Variants in SPRED1 observed in about 807,000 individuals in gnomAD.
SPRED1 encodes the protein sprouty-related, EVH1 domain-containing protein 1.
Under a neutral mutation model 52.3 loss-of-function variants are expected in SPRED1, and 18 were observed. The ratio of observed to expected loss-of-function variants is 0.34; its 90% CI spans 0.24 to 0.51. The LOEUF is 0.51. SPRED1 is among the 20% of genes least tolerant of loss of function. The pLI is 0.97. For synonymous variants in SPRED1, 155 were observed against 179.7 expected (o/e 0.86, Z 1.10); for missense variants, 485 against 551.0 (o/e 0.88, Z 1.20).
In SPRED1 at chr15:38,356,604, TTAA is replaced by T; in HGVS notation, c.*4944_*4946del. 6.6e-6 allele frequency: 1 copy of T among 152,238 alleles called. No individual in the cohort carries two copies. Among genetic ancestry groups the T allele is most frequent in the African/African-American group, 2.4e-5 (1 of 41,570 alleles). 9.4% of individuals were successfully genotyped at this position (152,238 alleles called of 1,614,324 possible). ...ACTGAAAGTTCACATATAGTTCATC[TTAA>T]TAACATATTTATTCATCCTTAATTG... On this transcript the variant is annotated 3_prime_UTR_variant, in exon 7 of 7. Coordinates refer to ENST00000299084, the MANE Select transcript of SPRED1 (RefSeq NM_152594.3).
chr15:38,274,593 T>A (rs1566851222), intron 1 of SPRED1, among the ~76,000 whole-genome samples: 1 of 152,198 alleles, frequency 6.6e-6, no homozygotes, highest in Non-Finnish European at 1.5e-5. Flanking sequence ...GAAACTAGGA[T>A]CTATACAATA....
At chr15:38,344,305 A>G (rs1289273559) in intron 5 of SPRED1, among the ~76,000 whole-genome samples, 1 of 152,192 alleles carries the variant, frequency 6.6e-6, no homozygotes, top group Non-Finnish European at 1.5e-5. Flanking sequence ...CAGGGATGTT[A>G]TGATATACCA....
In SPRED1 at chr15:38,353,001, A is replaced by C. The variant is rs570038934; in HGVS notation, c.*1337A>C. 3 of 152,468 alleles carry C rather than the reference A, an allele frequency of 2.0e-5. No individual in the cohort carries two copies. The South Asian group carries it at 6.2e-4, about 32-fold the overall frequency. 9.4% of individuals were successfully genotyped at this position (152,468 alleles called of 1,614,324 possible). A position where few individuals can be genotyped will look rare whatever the true frequency, so the allele number is the denominator to read the frequency against. ...TTGGGTAAATGTTCCAACAAACTTT[A>C]AAGTACCTTGAAGTCAAATTGTCTG... is the stretch of plus-strand genomic sequence containing the variant. On this transcript the variant is annotated 3_prime_UTR_variant, in exon 7 of 7. Transcript: ENST00000299084.
At chr15:38,313,185 TAC>T (rs1323387326) in intron 2 of SPRED1, among the ~76,000 whole-genome samples, 1 of 152,072 alleles carries the variant, frequency 6.6e-6, no homozygotes. Flanking sequence ...TTAACATAAA[TAC>T]AGTCTTTAAT....
Position 38,344,718 on chromosome 15 carries a change from A to G in SPRED1, c.583-4704A>G, listed in dbSNP as rs143837118. On this transcript the variant is annotated intron_variant, in intron 5 of 6. Coordinates refer to ENST00000299084, the MANE Select transcript of SPRED1 (RefSeq NM_152594.3). ...TCGGTATCTACCTCCTAGAGTTGTT[A>G]TGAATATTAAATAATTAATGTTGTA... Among the ~76,000 whole-genome samples the G allele has an allele frequency of 2.0e-5, 3 of 152,296 alleles. No homozygotes were observed. In the East Asian group the frequency reaches 5.8e-4, roughly 29 times the overall value.
At chr15:38,284,562 T>C (rs970747442) in intron 1 of SPRED1, among the ~76,000 whole-genome samples, 8 of 152,354 alleles carry the variant, frequency 5.3e-5, no homozygotes, top group Non-Finnish European at 1.0e-4. Flanking sequence ...AGCAGTCTTC[T>C]GTTATAATTT....
intron 1 of SPRED1, among the ~76,000 whole-genome samples, chr15:38,293,132 G>C (rs8031438): frequency 0.86 from 112,723 of 130,482 alleles, 48,717 homozygotes; most frequent in Non-Finnish European, 0.9. Flanking sequence ...ACGGAGTCTC[G>C]CTCTCTCACC....
chr15:38,284,524 G>C (rs1204230126), intron 1 of SPRED1, among the ~76,000 whole-genome samples: 1 of 151,936 alleles, frequency 6.6e-6, no homozygotes, highest in Non-Finnish European at 1.5e-5. Context: ...GCAATACAGA[G>C]ATTTTACATT....
chr15:38,351,084 A>T lies in SPRED1; in HGVS notation c.755A>T (p.Asp252Val), dbSNP rs1261287171. ...GAGATTGTCAGAATAAACCCTCGAG[A>T]TATCTTAATACGTCGCTATGCAGAC... ...EDEIVRINPRDILIRRYADYR... is the reference protein window; with the variant it reads ...EDEIVRINPRVILIRRYADYR... The change falls in exon 7 of 7, where the codon GAT becomes GTT. Residue 252 changes from aspartate to valine, a missense_variant. Asp to Val is a radical substitution (Grantham distance 152, BLOSUM62 -3). This residue lies in a region of SPRED1 where 205 missense variants were observed against 245.2 expected (regional missense o/e 0.84). Coordinates refer to ENST00000299084, the MANE Select transcript of SPRED1 (RefSeq NM_152594.3). 1 of 1,613,976 alleles carries T rather than the reference A, an allele frequency of 6.2e-7. No individual in the cohort carries two copies.
chr15:38,347,126 C>T (rs1896154472), intron 5 of SPRED1, among the ~76,000 whole-genome samples: 1 of 152,074 alleles, frequency 6.6e-6, no homozygotes, highest in Admixed American at 6.6e-5. Flanking sequence ...AGACTCTTCC[C>T]TATCCTCATC....
Position 38,298,210 on chromosome 15 carries a change from A to C in SPRED1, c.33-1163A>C, listed in dbSNP as rs570924015. On this transcript the variant is annotated intron_variant, in intron 1 of 6. Coordinates refer to ENST00000299084, the MANE Select transcript of SPRED1 (RefSeq NM_152594.3). ...AGTAAAGTTAAGACTGAAAACACCAAGTATTGGCAAGGATGTGGTGCATCT... is the reference window on the plus strand; with the variant it reads ...AGTAAAGTTAAGACTGAAAACACCACGTATTGGCAAGGATGTGGTGCATCT... Among the ~76,000 whole-genome samples the C allele has an allele frequency of 1.3e-4, 20 of 152,322 alleles. 1 individual carries two copies. In the South Asian group the frequency reaches 4.1e-3, roughly 32 times the overall value.
At chr15:38,300,393 T>A (rs1895128788) in intron 2 of SPRED1, among the ~76,000 whole-genome samples, 1 of 152,198 alleles carries the variant, frequency 6.6e-6, no homozygotes, top group Non-Finnish European at 1.5e-5. Context: ...GAGAATTCCC[T>A]TTAAATATAT....
At chr15:38,336,380 A>ATATGTGTGTG (rs1555391795) in intron 4 of SPRED1, among the ~76,000 whole-genome samples, 1 of 134,316 alleles carries the variant, frequency 7.4e-6, no homozygotes, top group Non-Finnish European at 1.6e-5. Context: ...GATAAAGAAA[A>ATATGTGTGTG]TGTGTGTGTG....
At chr15:38,288,250 C>T (rs992650078) in intron 1 of SPRED1, among the ~76,000 whole-genome samples, 1 of 152,102 alleles carries the variant, frequency 6.6e-6, no homozygotes, top group African/African-American at 2.4e-5. Context: ...AAATTTTCTA[C>T]TTCAGGCTTG....
intron 2 of SPRED1, among the ~76,000 whole-genome samples, chr15:38,310,233 C>A (rs186794877): frequency 6.6e-6 from 1 of 151,792 alleles, no homozygotes; most frequent in African/African-American, 2.4e-5. Context: ...CTCTGCCTCC[C>A]AGGTTCAAGC....
intron 2 of SPRED1, among the ~76,000 whole-genome samples, chr15:38,310,363 A>G (rs183117101): frequency 1.2e-4 from 18 of 152,002 alleles, no homozygotes; most frequent in African/African-American, 4.3e-4. Context: ...CTTGTCTTGA[A>G]CTTCTGACCT....
At chr15:38,287,194 A>G (rs1894829346) in intron 1 of SPRED1, among the ~76,000 whole-genome samples, 3 of 152,302 alleles carry the variant, frequency 2.0e-5, no homozygotes, top group Admixed American at 1.3e-4. Flanking sequence ...AGAGTTTTAG[A>G]AGCACATTGG....
At chr15:38,278,779 AGTCT>A (rs1894617111) in intron 1 of SPRED1, among the ~76,000 whole-genome samples, 1 of 150,986 alleles carries the variant, frequency 6.6e-6, no homozygotes, top group African/African-American at 2.4e-5. Flanking sequence ...AAGAAAAAAA[AGTCT>A]GTACATGTTC....
chr15:38,272,076 A>C (rs1388878502), intron 1 of SPRED1, among the ~76,000 whole-genome samples: 1 of 152,052 alleles, frequency 6.6e-6, no homozygotes, highest in Non-Finnish European at 1.5e-5. Context: ...TGCAAAGGAC[A>C]TGATTTTGTT....
Sources: gnomAD v4.1 joint callset for allele counts (sites outside exome capture counted in the v4.1 genomes callset) on GRCh38, gnomAD v4.1.1 for gene constraint, gnomAD v4.1.1 regional missense constraint, MANE v1.5 for transcripts, NCBI Gene and HGNC (gene_info 2026-07-23, HGNC 2026-07-21) for gene names.